The following SORBS2 variants were observed in gnomAD, a reference collection of about 807,000 sequenced individuals.
The protein encoded by SORBS2 is sorbin and SH3 domain containing 2.
Under a neutral mutation model 97.7 loss-of-function variants are expected in SORBS2, and 46 were observed. The ratio of observed to expected loss-of-function variants is 0.47; its 90% confidence interval spans 0.37 to 0.60. SORBS2 has a LOEUF of 0.60. Among genes scored for constraint, SORBS2 ranks in the 20% least tolerant of loss-of-function variants. SORBS2 has a pLI of 0.00. For synonymous variants in SORBS2, 476 were observed against 473.4 expected, an observed-to-expected ratio of 1.01 and a Z score of -0.07; for missense variants, 1,316 against 1,282.3, an observed-to-expected ratio of 1.03 and a Z score of -0.40.
At chr4:185,809,890 A>G (rs2099172418) in intron 1 of SORBS2, among the ~76,000 whole-genome samples, 1 of 152,204 alleles carries the variant, frequency 6.6e-6, no homozygotes, top group African/African-American at 2.4e-5. Context: ...AGAAAAATTA[A>G]TAGGAAATCA....
Position 185,745,967 on chromosome 4 carries a change from A to T in SORBS2, c.-198+29260T>A, listed in dbSNP as rs28412440. Among the ~76,000 whole-genome samples, 851 of 152,304 alleles carry T rather than the reference A, an allele frequency of 5.6e-3. 12 individuals carry two copies. The highest frequency in any genetic ancestry group is 0.029 in the East Asian group (149 of 5,166). ...AAAGAGAAGCAAACGATATCACCAA[A>T]GTCCTAACTCTATCCTCCCACTCTG... On this transcript the variant is annotated intron_variant, in intron 2 of 20. Transcript: ENST00000284776.
intron 1 of SORBS2, among the ~76,000 whole-genome samples, chr4:185,801,664 TCATCTCTC>T (rs1419684224): frequency 1.5e-5 from 2 of 131,284 alleles, no homozygotes; most frequent in Non-Finnish European, 3.4e-5. Flanking sequence ...TTTAACTGAA[TCATCTCTC>T]TCTCTCTCTC....
At chr4:185,776,034 G>A (rs1031338840) in intron 1 of SORBS2, 3 of 152,200 alleles carry the variant, frequency 2.0e-5, no homozygotes, top group African/African-American at 7.2e-5. Flanking sequence ...AATCATTCTG[G>A]TTGGGTCACT....
intron 1 of SORBS2, among the ~76,000 whole-genome samples, chr4:185,806,956 T>C (rs995798921): frequency 1.3e-5 from 2 of 152,154 alleles, no homozygotes; most frequent in Non-Finnish European, 2.9e-5. Context: ...GAACTATTTC[T>C]AACAATGGAT....
chr4:185,709,722 TCTC>T (rs1454895660), intron 2 of SORBS2, among the ~76,000 whole-genome samples: 1 of 151,860 alleles, frequency 6.6e-6, no homozygotes, highest in Non-Finnish European at 1.5e-5. Context: ...GATCCTCCCA[TCTC>T]CTCACCTGCC....
chr4:185,679,449 A>T (rs2097842182), intron 2 of SORBS2, among the ~76,000 whole-genome samples: 1 of 152,220 alleles, frequency 6.6e-6, no homozygotes, highest in Non-Finnish European at 1.5e-5. Context: ...AAATTTCAGG[A>T]CTAATAAATT....
chr4:185,762,412 A>G (rs1306989742), intron 2 of SORBS2, among the ~76,000 whole-genome samples: 1 of 152,172 alleles, frequency 6.6e-6, no homozygotes, highest in Non-Finnish European at 1.5e-5. Flanking sequence ...ATCGTGAAGG[A>G]AGAAACAGGT....
At chr4:185,734,742 A>G (rs1321572307) in intron 2 of SORBS2, among the ~76,000 whole-genome samples, 1 of 152,172 alleles carries the variant, frequency 6.6e-6, no homozygotes, top group Non-Finnish European at 1.5e-5. Context: ...AGCATTTTAA[A>G]GTCAGCTCTC....
At chr4:185,663,980 G>A (rs1006711126) in intron 4 of SORBS2, among the ~76,000 whole-genome samples, 12 of 146,990 alleles carry the variant, frequency 8.2e-5, no homozygotes, top group South Asian at 2.2e-4. Flanking sequence ...TCAGCCTCCC[G>A]AGTAGTTGGG....
rs1234947359 is a variant in SORBS2, at chr4:185,688,476, TTATC to T, written c.-197-9658_-197-9655del. Among the ~76,000 whole-genome samples the T allele has an allele frequency of 1.4e-3, 193 of 140,054 alleles. 4 individuals carry two copies. The Middle Eastern group carries it at 0.026, about 19-fold the overall frequency. 91.9% of individuals were successfully genotyped at this position (140,054 alleles called of 152,430 possible). On this transcript the variant is annotated intron_variant, in intron 2 of 20. Coordinates refer to the SORBS2 transcript ENST00000284776. The stretch of plus-strand genomic sequence containing the variant: ...ATTGTCTATCCATATATTATCTGCA[TTATC>T]TATCTGTCTATTGATAGATAGATAA...
intron 1 of SORBS2, among the ~76,000 whole-genome samples, chr4:185,884,638 G>A (rs1041678290): frequency 2.0e-5 from 3 of 152,166 alleles, no homozygotes; most frequent in Non-Finnish European, 4.4e-5. Flanking sequence ...GATCTGAGCA[G>A]GCAGTTGACC....
chr4:185,656,296 T>C (rs1331356213), intron 1 of SORBS2, among the ~76,000 whole-genome samples: 2 of 152,224 alleles, frequency 1.3e-5, no homozygotes, highest in Admixed American at 1.3e-4. Flanking sequence ...AATTGTAATA[T>C]AGATGCTGAG....
chr4:185,727,281 G>A (rs1038367784), intron 2 of SORBS2, among the ~76,000 whole-genome samples: 4 of 152,140 alleles, frequency 2.6e-5, no homozygotes, highest in Non-Finnish European at 5.9e-5. Flanking sequence ...TTGTATTAAC[G>A]ACCCTATTGC....
chr4:185,730,366 G>A (rs2098607943), intron 2 of SORBS2, among the ~76,000 whole-genome samples: 1 of 139,624 alleles, frequency 7.2e-6, no homozygotes, highest in African/African-American at 2.8e-5. Context: ...TTAATCATCT[G>A]GAGAGTGGGT....
At chr4:185,638,800 G>A (rs1374528475) in intron 4 of SORBS2, 77 bp downstream of exon 14, 6 of 1,342,946 alleles carry the variant, frequency 4.5e-6, no homozygotes, top group East Asian at 3.1e-5. Flanking sequence ...AGTGGGAGTC[G>A]CCAGGCTCTG....
chr4:185,590,519 A>ATAAG (rs1421569618), intron 13 of SORBS2, among the ~76,000 whole-genome samples: 4 of 152,216 alleles, frequency 2.6e-5, no homozygotes, highest in Non-Finnish European at 4.4e-5. Flanking sequence ...GACTATGGAC[A>ATAAG]TAAGTCTCTT....
chr4:185,868,542 A>G (rs534148743), intron 1 of SORBS2, among the ~76,000 whole-genome samples: 99 of 152,268 alleles, frequency 6.5e-4, no homozygotes, highest in Non-Finnish European at 9.0e-4. Context: ...GTGGAGGGAA[A>G]AAACGAAGAC....
At chr4:185,782,579 G>A (rs1378786320) in intron 1 of SORBS2, among the ~76,000 whole-genome samples, 1 of 152,192 alleles carries the variant, frequency 6.6e-6, no homozygotes, top group African/African-American at 2.4e-5. Flanking sequence ...GTAGTTTTAT[G>A]AGCAGACAGG....
chr4:185,678,627 C>A, intron 3 of SORBS2, 80 bp from the exon 7 acceptor site: 2 of 1,403,254 alleles, frequency 1.4e-6, no homozygotes, highest in African/African-American at 1.5e-5. Flanking sequence ...TTTTTATTTC[C>A]AAAATCATTT....
Sources: gnomAD v4.1 joint callset for allele counts (sites outside exome capture counted in the v4.1 genomes callset) on GRCh38, gnomAD v4.1.1 for gene constraint, MANE v1.5 for transcripts, NCBI Gene and HGNC (gene_info 2026-07-23, HGNC 2026-07-21) for gene names.